CHCHD3: variants seen among roughly 807,000 people sequenced by gnomAD.
CHCHD3 encodes the protein MICOS complex subunit MIC19.
A neutral mutation model predicts 38.2 loss-of-function variants in CHCHD3; 20 were observed. The ratio of observed to expected loss-of-function variants is 0.52; its 90% confidence interval spans 0.37 to 0.76. The LOEUF is 0.76. Among genes scored for constraint, CHCHD3 ranks in the 30% least tolerant of loss-of-function variants. The pLI, the probability that CHCHD3 is intolerant of heterozygous loss-of-function variation, is 0.00. For synonymous variants in CHCHD3, 82 were observed against 100.0 expected (o/e 0.82, Z 1.07); for missense variants, 245 against 279.2 (o/e 0.88, Z 0.87).
intron 2 of CHCHD3, among the ~76,000 whole-genome samples, chr7:133,037,731 C>T (rs1813718501): frequency 6.6e-6 from 1 of 152,054 alleles, no homozygotes; most frequent in Admixed American, 6.6e-5. Context: ...GAGAATTGCT[C>T]AAACCCGGGA....
At chr7:132,964,513 G>A (rs888498923) in intron 4 of CHCHD3, among the ~76,000 whole-genome samples, 4 of 152,090 alleles carry the variant, frequency 2.6e-5, no homozygotes, top group African/African-American at 7.2e-5. Context: ...CCCGGGAGGC[G>A]GAAGGTTGCA....
Position 132,986,313 on chromosome 7 carries a change from C to A in CHCHD3, c.252-11027G>T, listed in dbSNP as rs1812119096. Reference sequence around the variant, plus strand: ...CCTAGGAAAACCAGAGACCTTTGTTCACTTATCTGCTGACCTTCCCTCCAC... The same window carrying A: ...CCTAGGAAAACCAGAGACCTTTGTTAACTTATCTGCTGACCTTCCCTCCAC... On this transcript the variant is annotated intron_variant, in intron 3 of 7. Transcript: ENST00000262570. Among the ~76,000 whole-genome samples the A allele has an allele frequency of 4.0e-5, 6 of 148,416 alleles. No individual in the cohort carries two copies. In the Admixed American group the frequency reaches 4.0e-4, roughly 10 times the overall value.
intron 4 of CHCHD3, among the ~76,000 whole-genome samples, chr7:132,953,623 G>A (rs1489984262): frequency 1.3e-5 from 2 of 152,154 alleles, no homozygotes; most frequent in African/African-American, 2.4e-5. Context: ...CTCAACTTAG[G>A]ACATGTATGG....
chr7:132,981,792 G>T (rs948198545), intron 3 of CHCHD3, among the ~76,000 whole-genome samples: 2 of 152,172 alleles, frequency 1.3e-5, no homozygotes. Context: ...TTCAGATAAT[G>T]GGTAAGAATA....
chr7:132,969,097 A>G (rs1811546430), intron 4 of CHCHD3, among the ~76,000 whole-genome samples: 2 of 151,854 alleles, frequency 1.3e-5, no homozygotes, highest in African/African-American at 4.8e-5. Flanking sequence ...TTGGAGAAAC[A>G]GTCGCTTAAA....
At chr7:133,027,620 G>C (rs1203339258) in intron 2 of CHCHD3, among the ~76,000 whole-genome samples, 1 of 152,136 alleles carries the variant, frequency 6.6e-6, no homozygotes, top group Non-Finnish European at 1.5e-5. Context: ...TTTCTCAAAT[G>C]GGTGTTTAGG....
intron 1 of CHCHD3, among the ~76,000 whole-genome samples, chr7:133,077,478 G>C (rs543030139): frequency 1.3e-5 from 2 of 152,308 alleles, no homozygotes; most frequent in East Asian, 3.9e-4. Context: ...ATTTCAGCTT[G>C]CAACTTTAAA....
chr7:132,842,806 T>A (rs1807973955), intron 5 of CHCHD3, among the ~76,000 whole-genome samples: 1 of 152,172 alleles, frequency 6.6e-6, no homozygotes, highest in African/African-American at 2.4e-5. Flanking sequence ...AACAGATCTT[T>A]TTATTGAGGT....
intron 5 of CHCHD3, among the ~76,000 whole-genome samples, chr7:132,876,711 G>A (rs1460565337): frequency 6.6e-6 from 1 of 152,172 alleles, no homozygotes; most frequent in Non-Finnish European, 1.5e-5. Flanking sequence ...AAGCACAGTA[G>A]TCCATTCTAA....
At chr7:133,000,445 T>A (rs1812538761) in intron 3 of CHCHD3, among the ~76,000 whole-genome samples, 2 of 152,126 alleles carry the variant, frequency 1.3e-5, no homozygotes, top group African/African-American at 4.8e-5. Flanking sequence ...TTATGATTAT[T>A]CTATAATCTA....
chr7:132,850,401 C>T (rs1362534911), intron 5 of CHCHD3, among the ~76,000 whole-genome samples: 1 of 150,640 alleles, frequency 6.6e-6, no homozygotes, highest in Non-Finnish European at 1.5e-5. Flanking sequence ...TAGTTTTATT[C>T]CAGGAGCTTT....
chr7:132,976,158 AC>A (rs911799031), intron 3 of CHCHD3, among the ~76,000 whole-genome samples: 1 of 152,018 alleles, frequency 6.6e-6, no homozygotes, highest in Non-Finnish European at 1.5e-5. Context: ...CCAGTATATT[AC>A]CCCTATTTTC....
chr7:133,056,029 C>T (rs1014791088), intron 2 of CHCHD3, among the ~76,000 whole-genome samples: 2 of 151,836 alleles, frequency 1.3e-5, no homozygotes, highest in Admixed American at 6.6e-5. Flanking sequence ...ACACTTGTAA[C>T]CCAAACTACT....
At chr7:132,919,100 C>CTTTTTTTTTTTTTTTTTTT (rs5887600) in intron 4 of CHCHD3, among the ~76,000 whole-genome samples, 1 of 69,494 alleles carries the variant, frequency 1.4e-5, no homozygotes, top group East Asian at 5.7e-4. Context: ...TGGGTTTATT[C>CTTTTTTTTTTTTTTTTTTT]TTTTTTTTTT....
intron 4 of CHCHD3, among the ~76,000 whole-genome samples, chr7:132,898,782 C>T (rs971285934): frequency 1.3e-5 from 2 of 152,230 alleles, no homozygotes; most frequent in African/African-American, 4.8e-5. Context: ...GGCGAGAAAT[C>T]GAGCGCAGCG....
At chr7:132,842,499 T>C (rs1807965203) in intron 5 of CHCHD3, among the ~76,000 whole-genome samples, 1 of 152,226 alleles carries the variant, frequency 6.6e-6, no homozygotes, top group Non-Finnish European at 1.5e-5. Context: ...TTAATTCAGC[T>C]ATTTCCAGTT....
chr7:132,790,581 T>C (rs1806432041), intron 7 of CHCHD3, among the ~76,000 whole-genome samples: 2 of 152,198 alleles, frequency 1.3e-5, no homozygotes. Context: ...AATACCCACG[T>C]GTCAGTCACC....
At chr7:133,024,719 A>C in intron 2 of CHCHD3, 92 bp from the exon 3 acceptor site, 1 of 968,850 alleles carries the variant, frequency 1.0e-6, no homozygotes, top group South Asian at 1.3e-5. Context: ...CTGAGACTAG[A>C]TTTGAACAGG....
In CHCHD3 at chr7:133,025,498, G is replaced by T. The variant is rs181311862; in HGVS notation, c.170-871C>A. On this transcript the variant is annotated intron_variant, in intron 2 of 7. Transcript: ENST00000262570. Reference sequence around the variant, plus strand: ...TCCACAGAACCTAAGGTCTTTTTTGGTTTTTTTCTCTTTGTTTGTTTGTTG... The same window carrying T: ...TCCACAGAACCTAAGGTCTTTTTTGTTTTTTTTCTCTTTGTTTGTTTGTTG... Among the ~76,000 whole-genome samples, 119 of 152,110 alleles carry T rather than the reference G, an allele frequency of 7.8e-4. No individual in the cohort carries two copies. The Middle Eastern group carries it at 0.027, about 35-fold the overall frequency.
Sources: allele counts gnomAD v4.1 joint callset (sites outside exome capture counted in the v4.1 genomes callset), GRCh38; gene constraint gnomAD v4.1.1; transcripts MANE v1.5; gene names NCBI Gene and HGNC (gene_info 2026-07-23, HGNC 2026-07-21).